SLC44A5: variants seen among roughly 807,000 people sequenced by gnomAD.
SLC44A5 encodes choline transporter-like protein 5.
Under a neutral mutation model 101.8 loss-of-function variants are expected in SLC44A5, and 57 were observed. The observed-to-expected ratio is 0.56, with a 90% CI of 0.45 to 0.70. The LOEUF is 0.70. SLC44A5 is among the 30% of genes least tolerant of loss of function. SLC44A5 has a pLI of 0.00. For synonymous variants in SLC44A5, 281 were observed against 290.9 expected, an observed-to-expected ratio of 0.97 and a Z score of 0.35; for missense variants, 737 against 853.1, an observed-to-expected ratio of 0.86 and a Z score of 1.70.
At chr1:75,603,176 C>A (rs890523847) in intron 1 of SLC44A5, among the ~76,000 whole-genome samples, 31 of 152,010 alleles carry the variant, frequency 2.0e-4, no homozygotes, top group Non-Finnish European at 3.7e-4. Context: ...TTGTTGCCAT[C>A]TTTATGTCTA....
At chr1:75,317,020 C>A (rs1655744389) in intron 4 of SLC44A5, among the ~76,000 whole-genome samples, 1 of 152,196 alleles carries the variant, frequency 6.6e-6, no homozygotes, top group Non-Finnish European at 1.5e-5. Context: ...AACCAAAATT[C>A]TTTTCAAAAG....
At chr1:75,294,958 C>T (rs1270911814) in intron 5 of SLC44A5, among the ~76,000 whole-genome samples, 3 of 152,120 alleles carry the variant, frequency 2.0e-5, no homozygotes, top group Admixed American at 1.3e-4. Flanking sequence ...ATCTGATTTA[C>T]AGCATTAACT....
chr1:75,642,005 G>C, the SLC44A5 span: 1 of 1,474,220 alleles, frequency 6.8e-7, no homozygotes, highest in Middle Eastern at 2.3e-4. Context: ...ATCTTCATCT[G>C]CATGGTGGAA....
chr1:75,211,516 A>C lies in SLC44A5; in HGVS notation c.1999T>G (p.Phe667Val). ...IFGSYLIAHG[F>V]FSVYAMCVET... ...ACACACATTGCATAGACGCTGAAGAACCCATGTGCAATCAGGTAAGACCCA... is the reference window on the plus strand; with the variant it reads ...ACACACATTGCATAGACGCTGAAGACCCCATGTGCAATCAGGTAAGACCCA... Residue 667 changes from phenylalanine to valine, a missense_variant, in exon 23 of 24, where the codon TTC (phenylalanine) becomes GTC (valine). This residue lies in a region of SLC44A5 where 11 missense variants were observed against 32.2 expected (regional missense o/e 0.34). Coordinates refer to ENST00000370859, the MANE Select transcript of SLC44A5 (RefSeq NM_001130058.2). The C allele has an allele frequency of 6.2e-7, 1 of 1,612,878 alleles. No individual in the cohort carries two copies. The highest frequency in any genetic ancestry group is 8.5e-7 in the Non-Finnish European group (1 of 1,179,196).
chr1:75,561,203 A>G (rs539738930), intron 1 of SLC44A5, among the ~76,000 whole-genome samples: 109 of 152,334 alleles, frequency 7.2e-4, no homozygotes, highest in African/African-American at 2.5e-3. Flanking sequence ...AAAAGTGGAG[A>G]AATCAATTAT....
chr1:75,453,638 C>T (rs1407373519), intron 2 of SLC44A5, among the ~76,000 whole-genome samples: 2 of 151,876 alleles, frequency 1.3e-5, no homozygotes, highest in African/African-American at 2.4e-5. Flanking sequence ...TACCCAAGAT[C>T]AATAGACCAC....
chr1:75,526,400 G>A (rs922314437), intron 2 of SLC44A5, among the ~76,000 whole-genome samples: 2 of 152,166 alleles, frequency 1.3e-5, no homozygotes, highest in African/African-American at 4.8e-5. Flanking sequence ...CATGTAACTG[G>A]CTCAGAGGGA....
intron 2 of SLC44A5, among the ~76,000 whole-genome samples, chr1:75,415,922 G>A (rs1663612886): frequency 6.6e-6 from 1 of 152,138 alleles, no homozygotes; most frequent in Non-Finnish European, 1.5e-5. Context: ...AGGTGACTTG[G>A]GTGCTGTTAA....
At chr1:75,302,909 A>C (rs552605166) in intron 4 of SLC44A5, among the ~76,000 whole-genome samples, 136 of 152,312 alleles carry the variant, frequency 8.9e-4, no homozygotes, top group African/African-American at 3.1e-3. Flanking sequence ...ATGAGATTTT[A>C]TCCTGCTATT....
chr1:75,332,575 A>G (rs1174044269), intron 4 of SLC44A5, among the ~76,000 whole-genome samples: 1 of 152,198 alleles, frequency 6.6e-6, no homozygotes, highest in Non-Finnish European at 1.5e-5. Context: ...TCTGTCTGAA[A>G]TTTAGTAAAA....
intron 14 of SLC44A5, among the ~76,000 whole-genome samples, chr1:75,221,572 T>A (rs1427414603): frequency 6.6e-6 from 1 of 152,204 alleles, no homozygotes; most frequent in African/African-American, 2.4e-5. Context: ...GTCCTGTCTA[T>A]TAGAAAATTA....
chr1:75,294,794 G>C (rs1653832479), intron 5 of SLC44A5, among the ~76,000 whole-genome samples: 2 of 152,128 alleles, frequency 1.3e-5, no homozygotes, highest in African/African-American at 2.4e-5. Context: ...GAAAAGTATT[G>C]CGTGATCTCC....
intron 5 of SLC44A5, among the ~76,000 whole-genome samples, chr1:75,283,634 T>C (rs1652800483): frequency 6.6e-6 from 1 of 152,210 alleles, no homozygotes; most frequent in Non-Finnish European, 1.5e-5. Flanking sequence ...TTTCAGGTCT[T>C]AGATTTAAAT....
chr1:75,660,338 A>C, the SLC44A5 span, among the ~76,000 whole-genome samples: 80 of 152,196 alleles, frequency 5.3e-4, 1 homozygote, highest in Admixed American at 5.9e-4. Flanking sequence ...TATCTCAAAA[A>C]AATAAAGACC....
At chr1:75,424,143 C>T (rs1664169275) in intron 2 of SLC44A5, among the ~76,000 whole-genome samples, 1 of 152,132 alleles carries the variant, frequency 6.6e-6, no homozygotes, top group Non-Finnish European at 1.5e-5. Flanking sequence ...GCTTTTGTTT[C>T]TAAAGAGGAC....
At chr1:75,433,874 AG>A (rs1010678247) in intron 2 of SLC44A5, among the ~76,000 whole-genome samples, 16 of 152,254 alleles carry the variant, frequency 1.1e-4, no homozygotes, top group Admixed American at 3.3e-4. Context: ...CAGAAGAGTA[AG>A]GGAAGTCTTA....
chr1:75,615,450 C>T (rs369983288), upstream of SLC44A5, among the ~76,000 whole-genome samples: 2 of 77,266 alleles, frequency 2.6e-5, no homozygotes, highest in Admixed American at 1.3e-4. Context: ...CACACACACA[C>T]ACACACACAC....
chr1:75,686,718 G>A, the SLC44A5 span, among the ~76,000 whole-genome samples: 1 of 152,206 alleles, frequency 6.6e-6, no homozygotes, highest in Non-Finnish European at 1.5e-5. Flanking sequence ...AGGAAATCAG[G>A]AAATTGGAAG....
intron 6 of SLC44A5, among the ~76,000 whole-genome samples, chr1:75,273,565 G>A (rs1286660043): frequency 6.6e-6 from 1 of 151,868 alleles, no homozygotes; most frequent in Non-Finnish European, 1.5e-5. Flanking sequence ...ATTCCTTTTT[G>A]TTGAGGGCTC....
Sources: allele counts gnomAD v4.1 joint callset (sites outside exome capture counted in the v4.1 genomes callset), GRCh38; gene constraint gnomAD v4.1.1; regional missense constraint gnomAD v4.1.1; transcripts MANE v1.5; gene names NCBI Gene and HGNC (gene_info 2026-07-23, HGNC 2026-07-21).